The following PRDM10 variants were observed in gnomAD, a reference collection of about 807,000 sequenced individuals.
PRDM10 encodes the protein PR/SET domain 10.
In PRDM10, 65 loss-of-function variants were observed where a neutral mutation model predicts 133.1. The observed-to-expected ratio is 0.49, with a 90% confidence interval of 0.40 to 0.60. The LOEUF (loss-of-function observed/expected upper bound fraction) is 0.60. Among genes scored for constraint, PRDM10 ranks in the 20% least tolerant of loss-of-function variants. The pLI is 0.00. For synonymous variants in PRDM10, 582 were observed against 580.4 expected, an observed-to-expected ratio of 1.00 and a Z score of -0.04; for missense variants, 1,137 against 1,507.1, an observed-to-expected ratio of 0.75 and a Z score of 4.07.
intron 1 of PRDM10, among the ~76,000 whole-genome samples, chr11:129,998,106 G>C (rs1939155537): frequency 6.6e-6 from 1 of 152,078 alleles, no homozygotes; most frequent in Non-Finnish European, 1.5e-5. Flanking sequence ...ATAGTATATT[G>C]CATTTTACCC....
intron 4 of PRDM10, among the ~76,000 whole-genome samples, chr11:129,953,084 C>G (rs1399108318): frequency 6.6e-6 from 1 of 152,084 alleles, no homozygotes; most frequent in African/African-American, 2.4e-5. Flanking sequence ...AGCGATTCTC[C>G]TGCCTCAGCC....
At position 129,914,604 on chromosome 11, in the gene PRDM10, G is replaced by A. The variant is rs773750211; in HGVS notation, c.2841+100C>T. 24 of 1,504,958 alleles carry A rather than the reference G, an allele frequency of 1.6e-5. No homozygotes were observed. In the East Asian group the frequency reaches 5.2e-4, roughly 33 times the overall value. The allele number at this position is 1,504,958 out of a possible 1,614,324, so 93.2% of individuals were successfully genotyped here. On this transcript the variant is annotated intron_variant, in intron 17 of 20. Coordinates refer to ENST00000360871, the MANE Select transcript of PRDM10 (RefSeq NM_199437.2). Reference sequence around the variant, plus strand: ...AATGCCCAAGGCTCAGAACTTCCACGCAGAAGGACATTACATAGATCCCAG... The same window carrying A: ...AATGCCCAAGGCTCAGAACTTCCACACAGAAGGACATTACATAGATCCCAG...
At chr11:129,903,339 T>A (rs76525573) in intron 20 of PRDM10, among the ~76,000 whole-genome samples, 6 of 137,020 alleles carry the variant, frequency 4.4e-5, no homozygotes, top group African/African-American at 1.4e-4. Context: ...ATAATAATAA[T>A]AAATGGTTCC....
At chr11:129,917,034 C>A in intron 15 of PRDM10, 93 bp downstream of exon 15, 1 of 835,996 alleles carries the variant, frequency 1.2e-6, no homozygotes, top group Non-Finnish European at 1.8e-6. Context: ...GTAAGAGTAA[C>A]AAAAAAATCG....
Position 129,901,393 on chromosome 11 carries a change from T to C in PRDM10, c.*920A>G, listed in dbSNP as rs1320839123. On this transcript the variant is annotated 3_prime_UTR_variant, in exon 21 of 21. Coordinates refer to ENST00000360871, the MANE Select transcript of PRDM10 (RefSeq NM_199437.2). ...ATGTACACTTGGTAAGAACAAGGAA[T>C]ATATCCTTTACCAATGAATGATAAA... 1 of 152,626 alleles carries C rather than the reference T, an allele frequency of 6.6e-6. No individual in the cohort carries two copies. The highest frequency in any genetic ancestry group is 2.1e-4 in the South Asian group (1 of 4,832). 9.5% of individuals were successfully genotyped at this position (152,626 alleles called of 1,614,324 possible).
chr11:130,001,254 G>C (rs907204067), intron 1 of PRDM10, among the ~76,000 whole-genome samples: 2 of 152,038 alleles, frequency 1.3e-5, no homozygotes, highest in African/African-American at 4.8e-5. Flanking sequence ...CATCAAAGTG[G>C]AAGCTATTGT....
At chr11:129,989,551 G>A (rs1256885103) in intron 1 of PRDM10, among the ~76,000 whole-genome samples, 1 of 152,062 alleles carries the variant, frequency 6.6e-6, no homozygotes, top group Non-Finnish European at 1.5e-5. Context: ...GAGACTTTCA[G>A]GTGGGTCTTA....
chr11:129,939,567 C>T (rs932075733), intron 7 of PRDM10, among the ~76,000 whole-genome samples: 1 of 152,204 alleles, frequency 6.6e-6, no homozygotes. Flanking sequence ...GGAGCTCTTG[C>T]TACCTGCTCA....
intron 17 of PRDM10, 159 bp downstream of exon 17, chr11:129,914,545 C>T (rs1950292263): frequency 1.0e-6 from 1 of 994,374 alleles, no homozygotes; most frequent in Admixed American, 2.0e-5. Flanking sequence ...GGCCAGAGGC[C>T]TCATCAGCCT....
intron 4 of PRDM10, among the ~76,000 whole-genome samples, chr11:129,953,705 A>G (rs1951636785): frequency 6.6e-6 from 1 of 151,742 alleles, no homozygotes; most frequent in South Asian, 2.1e-4. Context: ...TTCCACTTTT[A>G]CAAAAAATTT....
At chr11:129,944,577 T>A (rs1308561472) in intron 6 of PRDM10, among the ~76,000 whole-genome samples, 194 bp downstream of exon 6, 3 of 136,642 alleles carry the variant, frequency 2.2e-5, no homozygotes, top group East Asian at 2.4e-4. Context: ...AGAGCAAGAC[T>A]CCGTCTCAAA....
intron 8 of PRDM10, among the ~76,000 whole-genome samples, chr11:129,936,376 G>A (rs531566132): frequency 4.0e-5 from 6 of 151,832 alleles, no homozygotes; most frequent in East Asian, 3.9e-4. Context: ...TTTTTCGGCC[G>A]GGTGCAGTGG....
Position 129,957,609 on chromosome 11 carries a change from G to T in PRDM10, c.234+137C>A. ...TGGGATTACAGGCATGAGCCACCGC[G>T]CCTGGCTGAGAGCACAGATCTTATC... On this transcript the variant is annotated intron_variant, in intron 3 of 20. Transcript: ENST00000360871. 9 of 1,064,864 alleles carry T rather than the reference G, an allele frequency of 8.5e-6. No individual in the cohort carries two copies. The South Asian group carries it at 1.8e-4, about 21-fold the overall frequency. 66.0% of individuals were successfully genotyped at this position (1,064,864 alleles called of 1,614,324 possible). A position where few individuals can be genotyped will look rare whatever the true frequency, so the allele number is the denominator to read the frequency against.
At chr11:129,983,271 C>G (rs1474523651) in intron 1 of PRDM10, among the ~76,000 whole-genome samples, 1 of 150,882 alleles carries the variant, frequency 6.6e-6, no homozygotes, top group African/African-American at 2.4e-5. Flanking sequence ...AGCCACCACG[C>G]CTGGTCTAAA....
At chr11:129,959,904 C>T (rs1951764164) in intron 2 of PRDM10, among the ~76,000 whole-genome samples, 1 of 151,788 alleles carries the variant, frequency 6.6e-6, no homozygotes, top group African/African-American at 2.4e-5. Flanking sequence ...AGGCATGCAC[C>T]ACCATGTCCG....
chr11:130,001,078 G>A (rs1332252300), intron 1 of PRDM10, among the ~76,000 whole-genome samples: 1 of 152,160 alleles, frequency 6.6e-6, no homozygotes, highest in Non-Finnish European at 1.5e-5. Context: ...CTGCACTCTA[G>A]CCTGGGCAAC....
intron 1 of PRDM10, among the ~76,000 whole-genome samples, chr11:130,001,383 A>T (rs2288400): frequency 0.094 from 14,255 of 152,172 alleles, 785 homozygotes; most frequent in Admixed American, 0.16. Context: ...AGGCCACAAA[A>T]CAGTCATGAG....
At chr11:129,935,070 C>T in intron 9 of PRDM10, 31 bp downstream of exon 9, 1 of 1,541,872 alleles carries the variant, frequency 6.5e-7, no homozygotes, top group Non-Finnish European at 9.0e-7. Context: ...TTTATGAACT[C>T]AGTCTGTGAG....
chr11:129,938,958 C>T (rs111883157), intron 7 of PRDM10, among the ~76,000 whole-genome samples: 4 of 152,306 alleles, frequency 2.6e-5, no homozygotes, highest in African/African-American at 9.6e-5. Flanking sequence ...CCTGCTGTTT[C>T]ACCCCCACAA....
Sources: gnomAD v4.1 joint callset for allele counts (sites outside exome capture counted in the v4.1 genomes callset) on GRCh38, gnomAD v4.1.1 for gene constraint, MANE v1.5 for transcripts, NCBI Gene and HGNC (gene_info 2026-07-23, HGNC 2026-07-21) for gene names.